IKZF1: variants seen among roughly 807,000 people sequenced by gnomAD.
IKZF1 encodes the protein IKAROS family zinc finger 1.
IKZF1 carries 10 observed loss-of-function variants against 51.7 expected under a neutral mutation model. The observed-to-expected ratio is 0.19, with a 90% confidence interval of 0.12 to 0.33. The LOEUF (loss-of-function observed/expected upper bound fraction) is 0.33, where lower values mean the gene tolerates loss of function less well. IKZF1 is among the 10% of genes least tolerant of loss of function. The pLI is 1.00. For missense variants in IKZF1, 484 were observed against 707.5 expected, an observed-to-expected ratio of 0.68 and a Z score of 3.58; for synonymous variants, 280 against 282.3, an observed-to-expected ratio of 0.99 and a Z score of 0.08.
At chr7:50,355,143 C>T (rs1207644121) in intron 3 of IKZF1, among the ~76,000 whole-genome samples, 1 of 152,130 alleles carries the variant, frequency 6.6e-6, no homozygotes, top group East Asian at 1.9e-4. Context: ...GAAGCCTCCT[C>T]CATTCTGCAG....
chr7:50,371,300 T>C (rs907350303), intron 3 of IKZF1, among the ~76,000 whole-genome samples: 2 of 152,208 alleles, frequency 1.3e-5, no homozygotes, highest in Admixed American at 1.3e-4. Context: ...AGTGGAAGTA[T>C]CAGCTGGTGT....
intron 3 of IKZF1, among the ~76,000 whole-genome samples, chr7:50,350,612 G>A (rs1263291457): frequency 2.6e-5 from 4 of 152,200 alleles, no homozygotes; most frequent in Non-Finnish European, 5.9e-5. Context: ...CTCTAACGAC[G>A]ACCTCACCTC....
chr7:50,327,646 A>G lies in IKZF1; in HGVS notation c.49A>G (p.Ser17Gly), dbSNP rs751054964. The change falls in exon 3 of 8, where the codon AGC (serine) becomes GGC (glycine). Residue 17 changes from serine to glycine, a missense_variant. By Grantham distance (56) the Ser-to-Gly change is moderately conservative. This residue lies in a region of IKZF1 where 118 missense variants were observed against 138.4 expected (regional missense o/e 0.85). Transcript: ENST00000331340. ...TTCTTCTTTCTCATCAGGGAAGGAA[A>G]GCCCCCCTGTAAGCGATACTCCAGA... ...QDMSQVSGKE[S>G]PPVSDTPDEG... The G allele has an allele frequency of 6.2e-7, 1 of 1,611,918 alleles. No individual in the cohort carries two copies. The highest frequency in any genetic ancestry group is 8.5e-7 in the Non-Finnish European group (1 of 1,178,920).
At chr7:50,367,818 G>T in intron 3 of IKZF1, 1 of 572,580 alleles carries the variant, frequency 1.7e-6, no homozygotes, top group Admixed American at 3.2e-5. Flanking sequence ...GGGGATTGTG[G>T]TCCTGTTCAT....
chr7:50,362,435 C>G (rs1489395052), intron 3 of IKZF1, among the ~76,000 whole-genome samples: 1 of 152,224 alleles, frequency 6.6e-6, no homozygotes, highest in Non-Finnish European at 1.5e-5. Flanking sequence ...CTTCAGTGGA[C>G]TTGCAAAGCA....
intron 7 of IKZF1, among the ~76,000 whole-genome samples, chr7:50,395,230 T>C (rs1372399939): frequency 6.6e-6 from 1 of 152,232 alleles, no homozygotes; most frequent in East Asian, 1.9e-4. Flanking sequence ...GATAGGCTGA[T>C]GAATTAGGTG....
At chr7:50,305,582 G>A (rs1454058766) in intron 1 of IKZF1, among the ~76,000 whole-genome samples, 1 of 152,166 alleles carries the variant, frequency 6.6e-6, no homozygotes, top group Non-Finnish European at 1.5e-5. Flanking sequence ...CGATTCCATA[G>A]GGTCTGACCA....
chr7:50,345,086 T>C (rs570999638), intron 3 of IKZF1, among the ~76,000 whole-genome samples: 1 of 152,162 alleles, frequency 6.6e-6, no homozygotes, highest in Non-Finnish European at 1.5e-5. Context: ...AAAATATTCT[T>C]AGAAGTCTGG....
intron 2 of IKZF1, among the ~76,000 whole-genome samples, chr7:50,320,725 T>G (rs1049016091): frequency 3.9e-5 from 6 of 152,232 alleles, no homozygotes; most frequent in African/African-American, 1.4e-4. Flanking sequence ...CACTTCATGG[T>G]ACAGTTGGTA....
chr7:50,316,560 C>A (rs910043511), intron 1 of IKZF1, among the ~76,000 whole-genome samples: 1 of 152,228 alleles, frequency 6.6e-6, no homozygotes, highest in African/African-American at 2.4e-5. Context: ...CTGCTGCCCA[C>A]CCCTAGCTCC....
chr7:50,360,914 C>T (rs1584771160), intron 3 of IKZF1, among the ~76,000 whole-genome samples: 1 of 152,270 alleles, frequency 6.6e-6, no homozygotes, highest in African/African-American at 2.4e-5. Flanking sequence ...TCCTGCCCGC[C>T]GTGTGACCCA....
At chr7:50,313,811 A>C (rs943394945) in intron 1 of IKZF1, among the ~76,000 whole-genome samples, 1 of 152,264 alleles carries the variant, frequency 6.6e-6, no homozygotes, top group African/African-American at 2.4e-5. Context: ...TACATTGGAC[A>C]CTATGCCAGG....
At chr7:50,327,010 G>T (rs1015280044) in intron 2 of IKZF1, among the ~76,000 whole-genome samples, 4 of 152,176 alleles carry the variant, frequency 2.6e-5, no homozygotes. Flanking sequence ...GCTCATTGTG[G>T]GGGTAAATTG....
rs1173905928 is a variant in IKZF1 at position 50,382,647 on chromosome 7, C to A, written c.529C>A (p.Leu177Ile). 1.2e-6 allele frequency: 2 copies of A among 1,613,202 alleles called. No individual in the cohort carries two copies. The highest frequency in any genetic ancestry group is 4.5e-5 in the East Asian group (2 of 44,880). ...HSGEKPFKCH[L>I]CNYACRRRDA... is the part of the protein sequence containing the mutation. Reference sequence around the variant, plus strand: ...CGGGGAGAAGCCCTTCAAATGCCACCTCTGCAACTACGCCTGCCGCCGGAG... The same window carrying A: ...CGGGGAGAAGCCCTTCAAATGCCACATCTGCAACTACGCCTGCCGCCGGAG... Residue 177 changes from leucine to isoleucine, a missense_variant, in exon 5 of 8, where the codon CTC becomes ATC. Transcript: ENST00000331340.
intron 2 of IKZF1, 60 bp downstream of exon 2, chr7:50,319,161 A>G: frequency 7.0e-7 from 1 of 1,426,738 alleles, no homozygotes; most frequent in Non-Finnish European, 9.9e-7. Context: ...CTGGGGCCGG[A>G]AGTCACAGTG....
chr7:50,398,552 C>T (rs528740702), intron 7 of IKZF1, among the ~76,000 whole-genome samples: 1 of 152,332 alleles, frequency 6.6e-6, no homozygotes, highest in Admixed American at 6.5e-5. Context: ...TCATGGCACG[C>T]TCCCCTTGTC....
chr7:50,312,055 C>T (rs1790308850), intron 1 of IKZF1, among the ~76,000 whole-genome samples: 1 of 152,178 alleles, frequency 6.6e-6, no homozygotes, highest in Non-Finnish European at 1.5e-5. Flanking sequence ...ATTTTCATTG[C>T]ACTTCATATT....
At chr7:50,322,476 C>T (rs910158810) in intron 2 of IKZF1, among the ~76,000 whole-genome samples, 2 of 152,134 alleles carry the variant, frequency 1.3e-5, no homozygotes, top group South Asian at 2.1e-4. Flanking sequence ...TACAGTGTCT[C>T]ACAGATGTGT....
chr7:50,329,665 C>T (rs957619654), intron 3 of IKZF1, among the ~76,000 whole-genome samples: 3 of 152,154 alleles, frequency 2.0e-5, no homozygotes, highest in Non-Finnish European at 2.9e-5. Flanking sequence ...AAGCACCCAG[C>T]GCCAAGGGTA....
Sources: allele counts gnomAD v4.1 joint callset (sites outside exome capture counted in the v4.1 genomes callset), GRCh38; gene constraint gnomAD v4.1.1; regional missense constraint gnomAD v4.1.1; transcripts MANE v1.5; gene names NCBI Gene and HGNC (gene_info 2026-07-23, HGNC 2026-07-21).